PLEKHG4: variants seen among roughly 807,000 people sequenced by gnomAD.
PLEKHG4 encodes puratrophin-1.
PLEKHG4 carries 85 observed loss-of-function variants against 136.9 expected under a neutral mutation model. The ratio of observed to expected loss-of-function variants is 0.62; its 90% CI spans 0.52 to 0.74. The LOEUF (loss-of-function observed/expected upper bound fraction) is 0.74. Among genes scored for constraint, PLEKHG4 ranks in the 30% least tolerant of loss-of-function variants. The probability of loss-of-function intolerance (pLI) is 0.00; values close to 1 mark genes in which losing one functional copy is unlikely to be tolerated. For missense variants in PLEKHG4, 1,317 were observed against 1,527.8 expected, an observed-to-expected ratio of 0.86 and a Z score of 2.30; for synonymous variants, 577 against 646.9, an observed-to-expected ratio of 0.89 and a Z score of 1.64.
In PLEKHG4 at chr16:67,280,886, T is replaced by G. The variant is rs777109981; in HGVS notation, c.600T>G (p.Thr200=). The change falls in exon 4 of 22, where the codon ACT becomes ACG. Residue 200 remains threonine, a synonymous_variant. Coordinates refer to ENST00000379344, the MANE Select transcript of PLEKHG4 (RefSeq NM_001129729.3). This position sits in a 1 kb window ranked among gnomAD's most constrained non-coding sequence, Gnocchi z 4.4. Reference sequence around the variant, plus strand: ...TTCACTGCTTCCTCCCCACAGGGACTCGGGATGTCCAAGGCCGGGCAGTGC... The same window carrying G: ...TTCACTGCTTCCTCCCCACAGGGACGCGGGATGTCCAAGGCCGGGCAGTGC... The part of the protein sequence containing the change: ...LASGMATLPG[T]RDVQGRAVLL... The G allele has an allele frequency of 4.3e-6, 7 of 1,612,964 alleles. No homozygotes were observed. Among genetic ancestry groups the G allele is most frequent in the Non-Finnish European group, 5.9e-6 (7 of 1,180,018 alleles).
chr16:67,288,635 C>T, intron 21 of PLEKHG4, 31 bp downstream of exon 21: 1 of 1,612,864 alleles, frequency 6.2e-7, no homozygotes, highest in Non-Finnish European at 8.5e-7. Flanking sequence ...ACCCACCAGC[C>T]CTTCCCCAGC....
Position 67,280,496 on chromosome 16 carries a change from T to G in PLEKHG4, c.452T>G (p.Val151Gly). ...CCTGGGGCATTGGACAGCGACCCTG[T>G]GGGCCTTGGAGACCCTTTATCAGAA... ...LSPGALDSDPVGLGDPLSEIS... is the reference protein window; with the variant it reads ...LSPGALDSDPGGLGDPLSEIS... The change falls in exon 2 of 22, where the codon GTG becomes GGG. Residue 151 changes from valine (V) to glycine (G), a missense_variant. Val to Gly is a moderately radical substitution (Grantham distance 109). Coordinates refer to ENST00000379344, the MANE Select transcript of PLEKHG4 (RefSeq NM_001129729.3). The surrounding 1 kb of genome is among the most constrained non-coding windows in gnomAD (Gnocchi z 4.4). 6.2e-7 allele frequency: 1 copy of G among 1,609,092 alleles called. No homozygotes were observed. The highest frequency in any genetic ancestry group is 8.5e-7 in the Non-Finnish European group (1 of 1,178,032).
At position 67,280,618 on chromosome 16, in the gene PLEKHG4, G is replaced by A. The variant is rs570487052; in HGVS notation, c.499+75G>A. 1.7e-5 allele frequency: 27 copies of A among 1,611,626 alleles called. No homozygotes were observed. Among genetic ancestry groups the A allele is most frequent in the African/African-American group, 6.7e-5 (5 of 75,008 alleles). On this transcript the variant is annotated intron_variant, in intron 2 of 21. Coordinates refer to ENST00000379344, the MANE Select transcript of PLEKHG4 (RefSeq NM_001129729.3). The surrounding 1 kb of genome is among the most constrained non-coding windows in gnomAD (Gnocchi z 4.4). ...GAGAGATGAGTGTCAAGACTTTGGA[G>A]GTCTCTGACCCTACTCAGGCTGAAG...
At position 67,286,806 on chromosome 16, in the gene PLEKHG4, G is replaced by A. The variant is rs1208349182; in HGVS notation, c.2812G>A (p.Gly938Arg). The change falls in exon 17 of 22, where the codon GGG becomes AGG. Residue 938 changes from glycine to arginine, a missense_variant. Gly to Arg is a moderately radical substitution (Grantham distance 125, BLOSUM62 -2). Coordinates refer to ENST00000379344, the MANE Select transcript of PLEKHG4 (RefSeq NM_001129729.3). ...ACAGGATGAGTTTGTGGTGCGCACTGGGCGCCACAAGTCCGTGCGCCGCAT... is the reference window on the plus strand; with the variant it reads ...ACAGGATGAGTTTGTGGTGCGCACTAGGCGCCACAAGTCCGTGCGCCGCAT... ...VRQDEFVVRT[G>R]RHKSVRRIFL... The A allele has an allele frequency of 6.2e-7, 1 of 1,613,860 alleles. No homozygotes were observed. Among genetic ancestry groups the A allele is most frequent in the South Asian group, 1.1e-5 (1 of 91,080 alleles).
At position 67,284,227 on chromosome 16, in the gene PLEKHG4, C is replaced by T. The variant is rs759903544; in HGVS notation, c.1510-48C>T. On this transcript the variant is annotated intron_variant, in intron 11 of 21. Transcript: ENST00000379344. This position sits in a 1 kb window ranked among gnomAD's most constrained non-coding sequence, Gnocchi z 4.4. ...AGCAGGAAGTATCTGAGTCTGGGGG[C>T]TAGACCGCCAGGCCTGGGCTGGCTG... 6.4e-7 allele frequency: 1 copy of T among 1,561,408 alleles called. No individual in the cohort carries two copies. The highest frequency in any genetic ancestry group is 1.1e-5 in the South Asian group (1 of 88,320).
At chr16:67,287,716 A>T in intron 18 of PLEKHG4, 182 bp from the exon 19 acceptor site, 1 of 665,746 alleles carries the variant, frequency 1.5e-6, no homozygotes, top group Non-Finnish European at 2.8e-6. Flanking sequence ...TTAAAAGGGG[A>T]ATATGGCACC....
At chr16:67,281,492 C>G in intron 5 of PLEKHG4, 75 bp from the exon 6 acceptor site, 2 of 1,284,692 alleles carry the variant, frequency 1.6e-6, no homozygotes, top group Admixed American at 1.8e-5. Context: ...TCCCAGAGTG[C>G]CGCAATTACA....
At chr16:67,287,539 A>G in intron 18 of PLEKHG4, 4 of 486,084 alleles carry the variant, frequency 8.2e-6, no homozygotes, top group South Asian at 4.2e-5. Context: ...AGCTGAGACT[A>G]CAGGCATGTG....
Position 67,289,384 on chromosome 16 carries a change from G to C in PLEKHG4, c.*576G>C. On this transcript the variant is annotated 3_prime_UTR_variant, in exon 22 of 22. Coordinates refer to ENST00000379344, the MANE Select transcript of PLEKHG4 (RefSeq NM_001129729.3). Reference sequence around the variant, plus strand: ...TAGAATTGTCTAAAATTATCTTACTGGTTGTTAGGCCTTTGGTGTCTCAGA... The same window carrying C: ...TAGAATTGTCTAAAATTATCTTACTCGTTGTTAGGCCTTTGGTGTCTCAGA... 2.0e-6 allele frequency: 1 copy of C among 512,622 alleles called. No homozygotes were observed. The highest frequency in any genetic ancestry group is 3.4e-5 in the South Asian group (1 of 29,690). The allele number at this position is 512,622 out of a possible 1,614,324, so 31.8% of individuals were successfully genotyped here.
At chr16:67,286,978 C>T in intron 17 of PLEKHG4, 22 bp from the exon 18 acceptor site, 4 of 1,613,102 alleles carry the variant, frequency 2.5e-6, no homozygotes, top group Non-Finnish European at 3.4e-6. Flanking sequence ...CTTACCAAGC[C>T]CCTCTCTCCC....
chr16:67,282,886 G>A (rs772755529), intron 11 of PLEKHG4, 28 bp downstream of exon 11: 11 of 1,499,812 alleles, frequency 7.3e-6, no homozygotes, highest in African/African-American at 5.5e-5. Flanking sequence ...TTCATGCCAC[G>A]GGTATTGGGA....
intron 18 of PLEKHG4, 150 bp from the exon 19 acceptor site, chr16:67,287,748 G>A (rs1399113765): frequency 9.9e-6 from 7 of 710,268 alleles, no homozygotes; most frequent in African/African-American, 7.0e-5. Flanking sequence ...ATTGTTGGGA[G>A]GAGAGCACCT....
intron 9 of PLEKHG4, 60 bp downstream of exon 9, chr16:67,282,409 C>T: frequency 1.2e-6 from 2 of 1,611,818 alleles, no homozygotes; most frequent in Non-Finnish European, 1.7e-6. Flanking sequence ...TGCCAGGACT[C>T]ATCTGGCTAG....
rs1466524252 is a variant in PLEKHG4 at position 67,284,958 on chromosome 16, ACTGAAGCTACCAC to A, written c.1940_1952del (p.Leu647ArgfsTer22). 17 of 1,612,916 alleles carry A rather than the reference ACTGAAGCTACCAC, an allele frequency of 1.1e-5. No homozygotes were observed. The highest frequency in any genetic ancestry group is 1.4e-5 in the Non-Finnish European group (17 of 1,179,932). ...CCCTGGACCAAAAGCTTGAGGCTTC[ACTGAAGCTACCAC>A]CGGTGGGCAGCACAGCTAGCCTGTG... On this transcript the variant is annotated frameshift_variant, in exon 13 of 22. Coordinates refer to ENST00000379344, the MANE Select transcript of PLEKHG4 (RefSeq NM_001129729.3). LOFTEE classifies it high-confidence loss of function. This position sits in a 1 kb window ranked among gnomAD's most constrained non-coding sequence, Gnocchi z 4.4.
At position 67,284,727 on chromosome 16, in the gene PLEKHG4, T is replaced by G. The variant is rs61738731; in HGVS notation, c.1707T>G (p.Ala569=). The stretch of plus-strand genomic sequence containing the variant: ...TGGTGTTGCAGGCCTTGACGTGGGC[T>G]GAGGAGGGGCAGCGAGTGTTGGCAG... ...FQLFREALTW[A]EEGQRVLAEL... is the part of the protein sequence containing the mutation. Residue 569 remains alanine, a synonymous_variant, in exon 13 of 22, where the codon GCT becomes GCG. Coordinates refer to ENST00000379344, the MANE Select transcript of PLEKHG4 (RefSeq NM_001129729.3). This position sits in a 1 kb window ranked among gnomAD's most constrained non-coding sequence, Gnocchi z 4.4. 0.034 allele frequency: 54,898 copies of G among 1,613,666 alleles called. 1,322 individuals carry two copies. The highest frequency in any genetic ancestry group is 0.07 in the South Asian group (6,347 of 91,054).
At position 67,289,422 on chromosome 16, in the gene PLEKHG4, G is replaced by T; in HGVS notation, c.*614G>T. 1.9e-6 allele frequency: 1 copy of T among 537,706 alleles called. No individual in the cohort carries two copies. The allele number at this position is 537,706 out of a possible 1,614,324, so 33.3% of individuals were successfully genotyped here. A position where few individuals can be genotyped will look rare whatever the true frequency, so the allele number is the denominator to read the frequency against. On this transcript the variant is annotated 3_prime_UTR_variant, in exon 22 of 22. Transcript: ENST00000379344. ...TTGGTGTCTCAGAGAAGGAGTCTAG[G>T]TCTTTGATGTGTGATTTAATCTTTT... is the stretch of plus-strand genomic sequence containing the variant.
chr16:67,287,212 C>A (rs752675716), intron 18 of PLEKHG4, 35 bp downstream of exon 18: 8 of 1,593,974 alleles, frequency 5.0e-6, no homozygotes, highest in Non-Finnish European at 8.5e-7. Context: ...CCACACTCCC[C>A]TCACTGGAGA....
upstream of PLEKHG4, chr16:67,279,296 G>A (rs560488718): frequency 6.6e-6 from 1 of 152,170 alleles, no homozygotes; most frequent in African/African-American, 2.4e-5. Context: ...GCGGTCTGCG[G>A]GGCCCGGGGG....
rs202145234 is a variant in PLEKHG4, at chr16:67,287,069, C to T, written c.2995C>T (p.Arg999Cys). ...GCGCTTCGAGATCTGGTTCCGCCGC[C>T]GCAAGGCCAGGGACACCTTTGTGCT... ...NLRFEIWFRR[R>C]KARDTFVLQA... is the part of the protein sequence containing the mutation. Residue 999 changes from arginine (R) to cysteine (C), a missense_variant, in exon 18 of 22, where the codon CGC becomes TGC. By Grantham distance (180) the Arg-to-Cys change is radical. Coordinates refer to ENST00000379344, the MANE Select transcript of PLEKHG4 (RefSeq NM_001129729.3). 561 of 1,613,308 alleles carry T rather than the reference C, an allele frequency of 3.5e-4. No homozygotes were observed. The highest frequency in any genetic ancestry group is 4.4e-4 in the Non-Finnish European group (520 of 1,180,046).
Sources: allele counts gnomAD v4.1 joint callset, GRCh38; gene constraint gnomAD v4.1.1; non-coding constraint Gnocchi (gnomAD v3.1); transcripts MANE v1.5; gene names NCBI Gene and HGNC (gene_info 2026-07-23, HGNC 2026-07-21).